The following MSH3 variants were observed in gnomAD, a reference collection of about 807,000 sequenced individuals.
MSH3 encodes the protein DNA mismatch repair protein Msh3.
A neutral mutation model predicts 123.3 loss-of-function variants in MSH3; 106 were observed. That is an observed-to-expected ratio of 0.86 (90% CI 0.73 to 1.01). The LOEUF (loss-of-function observed/expected upper bound fraction) is 1.01, where lower values mean the gene tolerates loss of function less well. Among genes scored for constraint, MSH3 ranks in the 50% least tolerant of loss-of-function variants. The pLI is 0.00. For missense variants in MSH3, 1,459 were observed against 1,347.6 expected (o/e 1.08, Z -1.29); for synonymous variants, 515 against 481.4 (o/e 1.07, Z -0.91).
chr5:80,792,818 T>C lies in MSH3; in HGVS notation c.2629T>C (p.Tyr877His). Residue 877 changes from tyrosine (Y) to histidine (H), a missense_variant, in exon 19 of 24, where the codon TAT becomes CAT. Transcript: ENST00000265081. Reference sequence around the variant, plus strand: ...TGTGTTGCTGGGAGAACAGGATCAATATGTCCCAAATAATACAGATTTATC... The same window carrying C: ...TGTGTTGCTGGGAGAACAGGATCAACATGTCCCAAATAATACAGATTTATC... ...IDVLLGEQDQ[Y>H]VPNNTDLSED... The C allele has an allele frequency of 6.2e-7, 1 of 1,611,758 alleles. No individual in the cohort carries two copies. The highest frequency in any genetic ancestry group is 8.5e-7 in the Non-Finnish European group (1 of 1,178,020).
intron 8 of MSH3, among the ~76,000 whole-genome samples, chr5:80,680,640 C>T (rs1477931647): frequency 6.6e-6 from 1 of 151,136 alleles, no homozygotes; most frequent in African/African-American, 2.4e-5. Context: ...TTCAAACATA[C>T]ACAAAATTAT....
chr5:80,749,262 T>G (rs1230445474), intron 12 of MSH3, among the ~76,000 whole-genome samples: 2 of 152,176 alleles, frequency 1.3e-5, no homozygotes, highest in African/African-American at 4.8e-5. Flanking sequence ...GCCTTCAGTT[T>G]GTCGCCAAAG....
At chr5:80,808,449 A>C (rs911377392) in intron 19 of MSH3, among the ~76,000 whole-genome samples, 42 of 152,260 alleles carry the variant, frequency 2.8e-4, no homozygotes, top group African/African-American at 1.0e-3. Context: ...TTTGGTAGCT[A>C]GCCTTGACCT....
intron 20 of MSH3, among the ~76,000 whole-genome samples, chr5:80,825,446 A>AT (rs1223077855): frequency 6.6e-6 from 1 of 152,046 alleles, no homozygotes; most frequent in Non-Finnish European, 1.5e-5. Flanking sequence ...GAGTTCATTA[A>AT]TTTTTCCCTA....
chr5:80,838,038 A>C (rs1330709043), intron 20 of MSH3, among the ~76,000 whole-genome samples: 1 of 152,208 alleles, frequency 6.6e-6, no homozygotes, highest in Admixed American at 6.5e-5. Context: ...CTTCAAAGCC[A>C]GCTGGGGAGA....
At chr5:80,819,073 C>T (rs902603479) in intron 20 of MSH3, among the ~76,000 whole-genome samples, 1 of 151,592 alleles carries the variant, frequency 6.6e-6, no homozygotes, top group Non-Finnish European at 1.5e-5. Context: ...AACCAATGTC[C>T]AGTTGACCCA....
In MSH3 at chr5:80,875,798, A is replaced by G. The variant is rs946137864; in HGVS notation, c.3350A>G (p.Gln1117Arg). The G allele has an allele frequency of 2.0e-5, 32 of 1,613,938 alleles. No individual in the cohort carries two copies. The Admixed American group carries it at 4.0e-4, about 20-fold the overall frequency. ...AAGTTATGGACGATGCATAATGCAC[A>G]AGACCTGCAGAAGTGGACAGAGGAG... The part of the protein sequence containing the change: ...FAKLWTMHNA[Q>R]DLQKWTEEFN... The change falls in exon 24 of 24, where the codon CAA becomes CGA. Residue 1117 changes from glutamine to arginine, a missense_variant. Coordinates refer to ENST00000265081, the MANE Select transcript of MSH3 (RefSeq NM_002439.5).
intron 20 of MSH3, among the ~76,000 whole-genome samples, chr5:80,852,199 G>A (rs761323658): frequency 4.6e-5 from 7 of 152,100 alleles, no homozygotes; most frequent in South Asian, 2.1e-4. Context: ...GGTGGCATGC[G>A]CCAGTGGTCC....
rs552454619 is a variant in MSH3 at position 80,700,233 on chromosome 5, T to G, written c.1340+21140T>G. Among the ~76,000 whole-genome samples, 5 of 152,186 alleles carry G rather than the reference T, an allele frequency of 3.3e-5. No homozygotes were observed. In the South Asian group the frequency reaches 1.0e-3, roughly 32 times the overall value. On this transcript the variant is annotated intron_variant, in intron 8 of 23. Coordinates refer to ENST00000265081, the MANE Select transcript of MSH3 (RefSeq NM_002439.5). ...CATCTCTACTAAAAATACAAAAAAT[T>G]AGCTGGGCATGATGGCACGTGCCTG...
intron 19 of MSH3, among the ~76,000 whole-genome samples, chr5:80,798,860 C>T (rs913515396): frequency 2.6e-5 from 4 of 152,190 alleles, no homozygotes. Context: ...CACACTGTTC[C>T]TGCAGGACCC....
intron 8 of MSH3, among the ~76,000 whole-genome samples, chr5:80,694,163 C>G (rs1750416462): frequency 6.6e-6 from 1 of 152,150 alleles, no homozygotes; most frequent in African/African-American, 2.4e-5. Context: ...GCTTTCCATA[C>G]TGTAAAATTA....
chr5:80,844,492 A>G (rs1267516694), intron 20 of MSH3, among the ~76,000 whole-genome samples: 1 of 152,170 alleles, frequency 6.6e-6, no homozygotes. Context: ...TAATATTGAT[A>G]GTGGGATGTT....
At chr5:80,858,019 T>G (rs1046683141) in intron 21 of MSH3, among the ~76,000 whole-genome samples, 4 of 152,042 alleles carry the variant, frequency 2.6e-5, no homozygotes, top group African/African-American at 9.7e-5. Context: ...GTGCTATAAA[T>G]TTTCTTTTTT....
At chr5:80,672,980 C>A in intron 6 of MSH3, 122 bp downstream of exon 6, 1 of 778,542 alleles carries the variant, frequency 1.3e-6, no homozygotes. Flanking sequence ...AGCTGAGAGG[C>A]ATTAAGGTGA....
intron 18 of MSH3, among the ~76,000 whole-genome samples, chr5:80,791,681 A>C (rs553220743): frequency 1.3e-5 from 2 of 152,356 alleles, no homozygotes; most frequent in South Asian, 4.1e-4. Flanking sequence ...TATTAAATCC[A>C]GATAGTAAAT....
chr5:80,775,472 T>G (rs1478406716), intron 15 of MSH3, among the ~76,000 whole-genome samples: 1 of 152,186 alleles, frequency 6.6e-6, no homozygotes, highest in African/African-American at 2.4e-5. Flanking sequence ...GCCCAAGTAT[T>G]ACAAATGTTT....
intron 16 of MSH3, 61 bp downstream of exon 16, chr5:80,775,819 G>A: frequency 2.3e-6 from 2 of 872,628 alleles, no homozygotes; most frequent in Middle Eastern, 2.2e-4. Context: ...ATATCTATGT[G>A]CTACTGGGCT....
At chr5:80,807,190 CA>C (rs34405208) in intron 19 of MSH3, among the ~76,000 whole-genome samples, 14,811 of 91,192 alleles carry the variant, frequency 0.16, 553 homozygotes, top group East Asian at 0.26. Context: ...TACCCTGTCT[CA>C]AAAAAAAAAA....
chr5:80,815,596 A>G (rs1018488818), intron 20 of MSH3, among the ~76,000 whole-genome samples: 7 of 152,150 alleles, frequency 4.6e-5, no homozygotes, highest in African/African-American at 1.7e-4. Flanking sequence ...GAGTTGTAAG[A>G]TTGCTGCTGC....
Sources: allele counts gnomAD v4.1 joint callset (sites outside exome capture counted in the v4.1 genomes callset), GRCh38; gene constraint gnomAD v4.1.1; transcripts MANE v1.5; gene names NCBI Gene and HGNC (gene_info 2026-07-23, HGNC 2026-07-21).